The following COG2 variants were observed in gnomAD, a reference collection of about 807,000 sequenced individuals.
COG2 encodes conserved oligomeric Golgi complex subunit 2.
Under a neutral mutation model 90.6 loss-of-function variants are expected in COG2, and 52 were observed. The ratio of observed to expected loss-of-function variants is 0.57; its 90% confidence interval spans 0.46 to 0.72. The LOEUF (loss-of-function observed/expected upper bound fraction) is 0.72. Among genes scored for constraint, COG2 ranks in the 30% least tolerant of loss-of-function variants. The probability of loss-of-function intolerance (pLI) is 0.00; values close to 1 mark genes in which losing one functional copy is unlikely to be tolerated. For missense variants in COG2, 829 were observed against 891.2 expected, an observed-to-expected ratio of 0.93 and a Z score of 0.89; for synonymous variants, 337 against 320.4, an observed-to-expected ratio of 1.05 and a Z score of -0.55.
chr1:230,642,640 C>A lies in COG2; in HGVS notation c.34C>A (p.Pro12Thr). ...EKSRMNLPKG[P>T]DTLCFDKDEF... ...AAGTAGGATGAACCTGCCCAAGGGGCCGGACACGCTCTGCTTCGACAAGGA... is the reference window on the plus strand; with the variant it reads ...AAGTAGGATGAACCTGCCCAAGGGGACGGACACGCTCTGCTTCGACAAGGA... The change falls in exon 1 of 18, where the codon CCG (proline) becomes ACG (threonine). Residue 12 changes from proline (P) to threonine (T), a missense_variant. By Grantham distance (38) the Pro-to-Thr change is conservative. Coordinates refer to ENST00000366669, the MANE Select transcript of COG2 (RefSeq NM_007357.3). The A allele has an allele frequency of 3.1e-6, 5 of 1,613,234 alleles. No homozygotes were observed. The highest frequency in any genetic ancestry group is 4.2e-6 in the Non-Finnish European group (5 of 1,179,690).
intron 5 of COG2, among the ~76,000 whole-genome samples, chr1:230,668,199 A>G (rs1314918720): frequency 1.3e-5 from 2 of 152,114 alleles, no homozygotes; most frequent in Non-Finnish European, 2.9e-5. Flanking sequence ...GCAGAGAAGT[A>G]GAAAGGATCC....
intron 16 of COG2, 123 bp downstream of exon 16, chr1:230,690,276 A>T: frequency 1.2e-6 from 1 of 828,646 alleles, no homozygotes; most frequent in Non-Finnish European, 1.9e-6. Flanking sequence ...TCTTCACTGG[A>T]TTAGTCAGAG....
At chr1:230,661,131 G>A (rs1388360973) in intron 3 of COG2, among the ~76,000 whole-genome samples, 1 of 151,978 alleles carries the variant, frequency 6.6e-6, no homozygotes, top group Non-Finnish European at 1.5e-5. Context: ...TCACTCATAT[G>A]TAGGTAGTCA....
intron 1 of COG2, among the ~76,000 whole-genome samples, chr1:230,646,296 C>A (rs1661775046): frequency 6.6e-6 from 1 of 152,198 alleles, no homozygotes; most frequent in Non-Finnish European, 1.5e-5. Flanking sequence ...CCAAAGTTAA[C>A]TAGATGGAAG....
At chr1:230,662,091 C>G (rs1335435353) in intron 3 of COG2, among the ~76,000 whole-genome samples, 1 of 152,136 alleles carries the variant, frequency 6.6e-6, no homozygotes, top group African/African-American at 2.4e-5. Flanking sequence ...TGGATTCACT[C>G]TCCCGAATTC....
chr1:230,669,544 A>G lies in COG2; in HGVS notation c.774+9A>G, dbSNP rs368113537. The stretch of plus-strand genomic sequence containing the variant: ...AACCATACATAGACGAGGTCTGTGT[A>G]CCTCCTTCAACAAACATTCATGAGC... On this transcript the variant is annotated intron_variant, in intron 7 of 17. Transcript: ENST00000366669. The G allele has an allele frequency of 6.2e-6, 10 of 1,609,020 alleles. No homozygotes were observed. Among genetic ancestry groups the G allele is most frequent in the Non-Finnish European group, 8.5e-6 (10 of 1,176,852 alleles).
At chr1:230,662,231 G>A (rs560218605) in intron 3 of COG2, among the ~76,000 whole-genome samples, 5 of 152,204 alleles carry the variant, frequency 3.3e-5, no homozygotes, top group South Asian at 2.1e-4. Flanking sequence ...TGGTTTAGCC[G>A]TAGACCTGTT....
chr1:230,663,913 G>A (rs963238496), intron 4 of COG2, among the ~76,000 whole-genome samples: 1 of 152,134 alleles, frequency 6.6e-6, no homozygotes, highest in African/African-American at 2.4e-5. Context: ...GAGGCCAGGT[G>A]TGGTGGCTCA....
At position 230,654,667 on chromosome 1, in the gene COG2, A is replaced by T. The variant is rs1298639948; in HGVS notation, c.73-4797A>T. Among the ~76,000 whole-genome samples the T allele has an allele frequency of 2.6e-5, 4 of 152,332 alleles. No homozygotes were observed. In the East Asian group the frequency reaches 7.7e-4, roughly 29 times the overall value. Reference sequence around the variant, plus strand: ...GGTAGCTTGATGGCGATAGCATTGAATCTGTAAATTACTTTGGGCAGTATG... The same window carrying T: ...GGTAGCTTGATGGCGATAGCATTGATTCTGTAAATTACTTTGGGCAGTATG... On this transcript the variant is annotated intron_variant, in intron 1 of 17. Transcript: ENST00000366669.
intron 1 of COG2, among the ~76,000 whole-genome samples, chr1:230,659,172 C>A (rs1662127172): frequency 6.6e-6 from 1 of 151,990 alleles, no homozygotes; most frequent in Non-Finnish European, 1.5e-5. Flanking sequence ...GGAAACGTTT[C>A]TGTTTTGAGA....
At chr1:230,655,474 T>C (rs1024971711) in intron 1 of COG2, among the ~76,000 whole-genome samples, 4 of 152,238 alleles carry the variant, frequency 2.6e-5, no homozygotes, top group South Asian at 2.1e-4. Context: ...GATAAGCTTT[T>C]TCATGTGCTG....
chr1:230,672,628 C>A (rs1001225992), intron 8 of COG2, among the ~76,000 whole-genome samples: 1 of 151,150 alleles, frequency 6.6e-6, no homozygotes, highest in South Asian at 2.1e-4. Context: ...GCCAGGAGTT[C>A]AAGACCAGCC....
At chr1:230,642,918 A>G (rs1661662196) in intron 1 of COG2, 3 of 525,910 alleles carry the variant, frequency 5.7e-6, no homozygotes, top group Non-Finnish European at 1.0e-5. Context: ...GTTCTGGGCA[A>G]GTGGTTTTGA....
chr1:230,655,630 A>T (rs1203379910), intron 1 of COG2, among the ~76,000 whole-genome samples: 1 of 152,234 alleles, frequency 6.6e-6, no homozygotes, highest in Non-Finnish European at 1.5e-5. Context: ...ATTAGGGAAG[A>T]TTCCTTCTTT....
At chr1:230,655,549 C>T (rs562363201) in intron 1 of COG2, among the ~76,000 whole-genome samples, 2 of 152,176 alleles carry the variant, frequency 1.3e-5, no homozygotes, top group African/African-American at 4.8e-5. Context: ...AAATATTGGC[C>T]TGAAATTTTC....
At chr1:230,667,206 C>A (rs139978955) in intron 5 of COG2, among the ~76,000 whole-genome samples, 1 of 152,210 alleles carries the variant, frequency 6.6e-6, no homozygotes, top group Non-Finnish European at 1.5e-5. Flanking sequence ...GATAACCAAA[C>A]GTCTCCCACT....
intron 1 of COG2, among the ~76,000 whole-genome samples, chr1:230,648,873 G>A (rs952812795): frequency 1.3e-5 from 2 of 152,158 alleles, no homozygotes; most frequent in Non-Finnish European, 2.9e-5. Context: ...AGATCATTCT[G>A]CTTAAGAGCT....
chr1:230,681,682 G>A (rs1337233568), intron 10 of COG2: 3 of 152,178 alleles, frequency 2.0e-5, no homozygotes, highest in East Asian at 1.9e-4. Flanking sequence ...AATGACATTC[G>A]ATGTGCACAT....
rs2493125 is a variant in COG2, at chr1:230,693,019, G to T, written c.2116-273G>T. On this transcript the variant is annotated intron_variant, in intron 17 of 17. Transcript: ENST00000366669. ...TAGTGTGGATTTTCTTTTCTAGAATGTTTTTAGGCCCACAAAAGAGGCTTT... is the reference window on the plus strand; with the variant it reads ...TAGTGTGGATTTTCTTTTCTAGAATTTTTTTAGGCCCACAAAAGAGGCTTT... Among the ~76,000 whole-genome samples the T allele has an allele frequency of 0.94, 142,732 of 152,038 alleles. 67,122 individuals carry two copies. Among genetic ancestry groups the T allele is most frequent in the East Asian group, 0.99 (5,119 of 5,154 alleles).
Sources: allele counts gnomAD v4.1 joint callset (sites outside exome capture counted in the v4.1 genomes callset), GRCh38; gene constraint gnomAD v4.1.1; transcripts MANE v1.5; gene names NCBI Gene and HGNC (gene_info 2026-07-23, HGNC 2026-07-21).